The following ZSWIM6 variants were observed in gnomAD, a reference collection of about 807,000 sequenced individuals.
ZSWIM6 encodes zinc finger SWIM domain-containing protein 6.
In ZSWIM6, 9 loss-of-function variants were observed where a neutral mutation model predicts 113.2. The observed-to-expected ratio is 0.08, with a 90% confidence interval of 0.05 to 0.14. The LOEUF is 0.14. Ranked by LOEUF, ZSWIM6 falls within the 10% of genes least tolerant of loss-of-function variation. ZSWIM6 has a pLI of 1.00. For missense variants in ZSWIM6, 1,162 were observed against 1,552.2 expected, an observed-to-expected ratio of 0.75 and a Z score of 4.22; for synonymous variants, 611 against 606.5, an observed-to-expected ratio of 1.01 and a Z score of -0.11.
chr5:61,395,275 A>G (rs1345306245), intron 1 of ZSWIM6, among the ~76,000 whole-genome samples: 1 of 152,116 alleles, frequency 6.6e-6, no homozygotes, highest in Non-Finnish European at 1.5e-5. Flanking sequence ...GTGAAGGTAT[A>G]AAAGTGTGTT....
chr5:61,443,333 G>T (rs1292033765), intron 1 of ZSWIM6, among the ~76,000 whole-genome samples: 1 of 152,018 alleles, frequency 6.6e-6, no homozygotes, highest in Non-Finnish European at 1.5e-5. Flanking sequence ...CCTAAATGAA[G>T]ACATACCAGA....
At chr5:61,371,069 G>A (rs866448000) in intron 1 of ZSWIM6, among the ~76,000 whole-genome samples, 29 of 152,202 alleles carry the variant, frequency 1.9e-4, no homozygotes, top group African/African-American at 5.5e-4. Context: ...CTCTGCCCCA[G>A]GGTGGGGAAT....
intron 1 of ZSWIM6, chr5:61,375,695 T>C (rs1745360038): frequency 1.3e-6 from 2 of 1,547,532 alleles, no homozygotes; most frequent in Non-Finnish European, 1.7e-6. Context: ...TCTGAGTCCT[T>C]GTCAGAATCA....
chr5:61,454,354 C>T (rs1254329413), intron 1 of ZSWIM6, among the ~76,000 whole-genome samples: 1 of 151,792 alleles, frequency 6.6e-6, no homozygotes, highest in Non-Finnish European at 1.5e-5. Flanking sequence ...CTCCTAGGCT[C>T]AAGCTATCCT....
chr5:61,517,438 T>C (rs1241554542), intron 4 of ZSWIM6, among the ~76,000 whole-genome samples: 1 of 152,130 alleles, frequency 6.6e-6, no homozygotes, highest in South Asian at 2.1e-4. Context: ...ATTTCAGATA[T>C]TGTTTTATTG....
At position 61,531,689 on chromosome 5, in the gene ZSWIM6, A is replaced by C; in HGVS notation, c.2209A>C (p.Lys737Gln). The C allele has an allele frequency of 6.4e-7, 1 of 1,551,748 alleles. No homozygotes were observed. The highest frequency in any genetic ancestry group is 8.7e-7 in the Non-Finnish European group (1 of 1,146,980). The change falls in exon 9 of 14, where the codon AAA becomes CAA. Residue 737 changes from lysine (K) to glutamine (Q), a missense_variant. Physicochemically the swap from Lys to Gln is moderately conservative, Grantham distance 53. Transcript: ENST00000252744. ...QEIELDDTLV[K>Q]IFRKQAVFLL... ...AATTGAATTGGATGACACACTGGTGAAAATTTTTCGCAAGCAAGCAGTCTT... is the reference window on the plus strand; with the variant it reads ...AATTGAATTGGATGACACACTGGTGCAAATTTTTCGCAAGCAAGCAGTCTT...
intron 8 of ZSWIM6, among the ~76,000 whole-genome samples, chr5:61,530,937 T>G (rs973895584): frequency 1.3e-5 from 2 of 152,216 alleles, no homozygotes; most frequent in African/African-American, 2.4e-5. Flanking sequence ...TTGAAGTTTG[T>G]TATAATTTAT....
chr5:61,486,438 T>C (rs1221850798), intron 2 of ZSWIM6, among the ~76,000 whole-genome samples: 1 of 152,176 alleles, frequency 6.6e-6, no homozygotes, highest in Admixed American at 6.6e-5. Context: ...TAATGTTTTC[T>C]TTTCCTCTGG....
chr5:61,536,108 G>C (rs565290215), intron 10 of ZSWIM6, among the ~76,000 whole-genome samples: 1 of 152,364 alleles, frequency 6.6e-6, no homozygotes, highest in Admixed American at 6.5e-5. Context: ...CTGAGAGAAG[G>C]TGGGACGTGC....
At chr5:61,333,054 C>G (rs1259004941) in intron 1 of ZSWIM6, 106 bp downstream of exon 1, 23 of 1,034,466 alleles carry the variant, frequency 2.2e-5, no homozygotes, top group Non-Finnish European at 2.5e-5. Context: ...CGCGCGCGCC[C>G]GCACCCCTGC....
intron 2 of ZSWIM6, among the ~76,000 whole-genome samples, chr5:61,484,624 G>A (rs1255897462): frequency 6.6e-6 from 1 of 152,164 alleles, no homozygotes; most frequent in Non-Finnish European, 1.5e-5. Context: ...AAGATGGGAT[G>A]GATTAGGGTC....
At chr5:61,528,180 CT>C (rs1317763079) in intron 7 of ZSWIM6, among the ~76,000 whole-genome samples, 1 of 152,014 alleles carries the variant, frequency 6.6e-6, no homozygotes, top group Non-Finnish European at 1.5e-5. Flanking sequence ...ATAACAGCTA[CT>C]TGTTATGGGC....
intron 1 of ZSWIM6, among the ~76,000 whole-genome samples, chr5:61,355,423 G>T (rs1744878824): frequency 7.1e-6 from 1 of 139,918 alleles, no homozygotes; most frequent in African/African-American, 2.7e-5. Context: ...TCTCTTGAGA[G>T]ACTTTAAAAC....
chr5:61,352,062 G>A (rs1470791410), intron 1 of ZSWIM6, among the ~76,000 whole-genome samples: 1 of 152,140 alleles, frequency 6.6e-6, no homozygotes, highest in Non-Finnish European at 1.5e-5. Flanking sequence ...AGCATGGTCT[G>A]GCCTGGACCC....
chr5:61,477,492 C>T (rs774271587), intron 2 of ZSWIM6, among the ~76,000 whole-genome samples: 7 of 152,292 alleles, frequency 4.6e-5, no homozygotes, highest in Admixed American at 2.6e-4. Context: ...ACTGCAAAGG[C>T]GTACCTTCTG....
chr5:61,498,671 C>A (rs1748383189), intron 4 of ZSWIM6, among the ~76,000 whole-genome samples: 1 of 152,078 alleles, frequency 6.6e-6, no homozygotes. Context: ...TTGAATTAAC[C>A]TGCTCCATGG....
At chr5:61,402,890 T>G (rs1464530326) in intron 1 of ZSWIM6, among the ~76,000 whole-genome samples, 1 of 152,258 alleles carries the variant, frequency 6.6e-6, no homozygotes, top group Non-Finnish European at 1.5e-5. Context: ...AACTCATTTT[T>G]GTATGTAATT....
intron 1 of ZSWIM6, chr5:61,375,669 A>C: frequency 1.9e-6 from 3 of 1,545,764 alleles, no homozygotes; most frequent in Non-Finnish European, 2.6e-6. Context: ...TGTATTCTGA[A>C]GATAAACCTT....
intron 1 of ZSWIM6, among the ~76,000 whole-genome samples, chr5:61,413,185 A>G (rs1473140957): frequency 1.6e-3 from 117 of 73,444 alleles, no homozygotes; most frequent in African/African-American, 5.9e-3. Context: ...CCCCCACCCC[A>G]CAACAGTCCC....
Sources: allele counts gnomAD v4.1 joint callset (sites outside exome capture counted in the v4.1 genomes callset), GRCh38; gene constraint gnomAD v4.1.1; transcripts MANE v1.5; gene names NCBI Gene and HGNC (gene_info 2026-07-23, HGNC 2026-07-21).